FBXO41: variants seen among roughly 807,000 people sequenced by gnomAD.
The protein encoded by FBXO41 is F-box only protein 41.
FBXO41 carries 33 observed loss-of-function variants against 81.6 expected under a neutral mutation model. The ratio of observed to expected loss-of-function variants is 0.40; its 90% CI spans 0.31 to 0.54. The LOEUF (loss-of-function observed/expected upper bound fraction) is 0.54, where lower values mean the gene tolerates loss of function less well. Ranked by LOEUF, FBXO41 falls within the 20% of genes least tolerant of loss-of-function variation. FBXO41 has a pLI of 0.39. For synonymous variants in FBXO41, 576 were observed against 552.7 expected (o/e 1.04, Z -0.59); for missense variants, 1,107 against 1,236.0 (o/e 0.90, Z 1.56).
At position 73,256,378 on chromosome 2, in the gene FBXO41, G is replaced by A. The variant is rs1255545823; in HGVS notation, c.*2604C>T. The A allele has an allele frequency of 6.6e-6, 1 of 152,450 alleles. No individual in the cohort carries two copies. The highest frequency in any genetic ancestry group is 1.5e-5 in the Non-Finnish European group (1 of 68,226). 9.4% of individuals were successfully genotyped at this position (152,450 alleles called of 1,614,324 possible). On this transcript the variant is annotated 3_prime_UTR_variant, in exon 13 of 13. Coordinates refer to ENST00000520530, the MANE Select transcript of FBXO41 (RefSeq NM_001371389.2). Reference sequence around the variant, plus strand: ...CAAAAGCTCCCTACTCAGCAGCAGAGCTCATCCCCGAGGAGAGAACAAAAG... The same window carrying A: ...CAAAAGCTCCCTACTCAGCAGCAGAACTCATCCCCGAGGAGAGAACAAAAG...
At chr2:73,262,238 A>T (rs965229260) in intron 9 of FBXO41, among the ~76,000 whole-genome samples, 2 of 152,164 alleles carry the variant, frequency 1.3e-5, no homozygotes, top group African/African-American at 2.4e-5. Context: ...CTAAATAAAA[A>T]AAAAAAAAGA....
intron 1 of FBXO41, among the ~76,000 whole-genome samples, chr2:73,274,892 T>C (rs1038564381): frequency 1.3e-5 from 2 of 151,898 alleles, no homozygotes; most frequent in African/African-American, 4.8e-5. Context: ...TTTTCTTTTT[T>C]TTTTTGGAAA....
chr2:73,281,228 C>G (rs1688838549), intron 1 of FBXO41, among the ~76,000 whole-genome samples: 1 of 152,236 alleles, frequency 6.6e-6, no homozygotes, highest in Non-Finnish European at 1.5e-5. Flanking sequence ...ACAATCAAAA[C>G]AGTGAATACT....
At position 73,266,787 on chromosome 2, in the gene FBXO41, C is replaced by A; in HGVS notation, c.906-105G>T. On this transcript the variant is annotated intron_variant, in intron 2 of 12. Coordinates refer to ENST00000520530, the MANE Select transcript of FBXO41 (RefSeq NM_001371389.2). This position sits in a 1 kb window ranked among gnomAD's most constrained non-coding sequence, Gnocchi z 5.3. ...GGGGAGACACTGGCACAGCTGCCTG[C>A]GGTGTCTGCTTATGGTCACATGGGT... 1 of 1,420,358 alleles carries A rather than the reference C, an allele frequency of 7.0e-7. No individual in the cohort carries two copies. Among genetic ancestry groups the A allele is most frequent in the South Asian group, 1.6e-5 (1 of 63,746 alleles). The allele number at this position is 1,420,358 out of a possible 1,614,324, so 88.0% of individuals were successfully genotyped here.
intron 1 of FBXO41, among the ~76,000 whole-genome samples, chr2:73,279,142 G>A (rs1688779351): frequency 6.6e-6 from 1 of 152,216 alleles, no homozygotes; most frequent in Non-Finnish European, 1.5e-5. Flanking sequence ...AGAAGGCCTG[G>A]TGACAGAATG....
In FBXO41 at chr2:73,256,080, G is replaced by A. The variant is rs1687801379; in HGVS notation, c.*2902C>T. 6.6e-6 allele frequency: 1 copy of A among 152,174 alleles called. No individual in the cohort carries two copies. The highest frequency in any genetic ancestry group is 1.5e-5 in the Non-Finnish European group (1 of 68,052). 9.4% of individuals were successfully genotyped at this position (152,174 alleles called of 1,614,324 possible). ...ACACCAACCTCCCAGGTAGGTACTG[G>A]GGCCAGACTGGATGGCAGGGGGTGG... On this transcript the variant is annotated 3_prime_UTR_variant, in exon 13 of 13. Transcript: ENST00000520530.
In FBXO41 at chr2:73,264,536, G is replaced by A; in HGVS notation, c.1565-17C>T. 1 of 1,612,548 alleles carries A rather than the reference G, an allele frequency of 6.2e-7. No homozygotes were observed. Among genetic ancestry groups the A allele is most frequent in the Non-Finnish European group, 8.5e-7 (1 of 1,179,634 alleles). On this transcript the variant is annotated splice_polypyrimidine_tract_variant and intron_variant, in intron 5 of 12. Coordinates refer to ENST00000520530, the MANE Select transcript of FBXO41 (RefSeq NM_001371389.2). ...CGGGGCGGGCTGCAGAATACCAGGGGTTCAAAAGTGAGCGTGGAGGGTCAA... is the reference window on the plus strand; with the variant it reads ...CGGGGCGGGCTGCAGAATACCAGGGATTCAAAAGTGAGCGTGGAGGGTCAA...
At position 73,265,321 on chromosome 2, in the gene FBXO41, G is replaced by A. The variant is rs750732664; in HGVS notation, c.1525C>T (p.Pro509Ser). 1.9e-6 allele frequency: 3 copies of A among 1,610,926 alleles called. No homozygotes were observed. The highest frequency in any genetic ancestry group is 2.5e-6 in the Non-Finnish European group (3 of 1,179,634). Reference sequence around the variant, plus strand: ...CTGCTCAATGGCCCAGCCATAGCAGGCCCGGGGCGGGGCGCATCCAACGGG... The same window carrying A: ...CTGCTCAATGGCCCAGCCATAGCAGACCCGGGGCGGGGCGCATCCAACGGG... ...EGPLDAPRPGPAMAGPLSSCR... is the reference protein window; with the variant it reads ...EGPLDAPRPGSAMAGPLSSCR... Residue 509 changes from proline (P) to serine (S), a missense_variant, in exon 5 of 13, where the codon CCT (proline) becomes TCT (serine). Transcript: ENST00000520530.
At position 73,268,938 on chromosome 2, in the gene FBXO41, C is replaced by G. The variant is rs1330794474; in HGVS notation, c.693G>C (p.Ala231=). The change falls in exon 2 of 13, where the codon GCG becomes GCC. Residue 231 remains alanine (A), a synonymous_variant. Transcript: ENST00000520530. ...CGGCCTGCAGCCGGCCCACCTGGCC[C>G]GCGATCTTCTGCTCCACCTCCTCGC... ...RLSEEVEQKI[A]GQVGRLQAEL... 6.5e-7 allele frequency: 1 copy of G among 1,540,018 alleles called. No individual in the cohort carries two copies. The highest frequency in any genetic ancestry group is 1.2e-5 in the South Asian group (1 of 83,988).
chr2:73,264,016 T>C lies in FBXO41; in HGVS notation c.1844A>G (p.His615Arg). ...CTTCAAGTTCTGCAGCGTCAGAGAG[T>C]GGGCCTGGGTGCACCACTGAGCCAG... ...AMLAQWCTQAHSLTLQNLKPR... is the reference protein window; with the variant it reads ...AMLAQWCTQARSLTLQNLKPR... The change falls in exon 7 of 13, where the codon CAC (histidine) becomes CGC (arginine). Residue 615 changes from histidine to arginine, a missense_variant. Coordinates refer to ENST00000520530, the MANE Select transcript of FBXO41 (RefSeq NM_001371389.2). 6.2e-7 allele frequency: 1 copy of C among 1,601,212 alleles called. No homozygotes were observed. The highest frequency in any genetic ancestry group is 8.5e-7 in the Non-Finnish European group (1 of 1,173,712).
chr2:73,258,769 C>A lies in FBXO41; in HGVS notation c.*213G>T, dbSNP rs1687905283. 3.9e-6 allele frequency: 2 copies of A among 511,926 alleles called. No homozygotes were observed. The highest frequency in any genetic ancestry group is 3.4e-6 in the Non-Finnish European group (1 of 298,208). The allele number at this position is 511,926 out of a possible 1,614,324, so 31.7% of individuals were successfully genotyped here. On this transcript the variant is annotated 3_prime_UTR_variant, in exon 13 of 13. Transcript: ENST00000520530. ...TAGGGTGGGGGTCGGAGGGCAGCTT[C>A]TGTCCAAGCCCCTGTACTGGGGAGG...
intron 1 of FBXO41, among the ~76,000 whole-genome samples, chr2:73,276,586 GA>G (rs1379908584): frequency 7.7e-6 from 1 of 129,436 alleles, no homozygotes; most frequent in East Asian, 2.9e-4. Context: ...GAGAGAGAGA[GA>G]GAGAGAGAGA....
At chr2:73,264,114 G>A in intron 6 of FBXO41, 61 bp from the exon 7 acceptor site, 6 of 1,551,794 alleles carry the variant, frequency 3.9e-6, no homozygotes, top group East Asian at 2.4e-5. Flanking sequence ...GGCTGGAGGT[G>A]GGCCAGCCCC....
chr2:73,280,132 C>T (rs1688807510), intron 1 of FBXO41, among the ~76,000 whole-genome samples: 1 of 133,174 alleles, frequency 7.5e-6, no homozygotes, highest in East Asian at 2.6e-4. Flanking sequence ...CGCCCCTCAA[C>T]CCCAAAACGC....
chr2:73,275,963 T>A (rs1247330773), intron 1 of FBXO41, among the ~76,000 whole-genome samples: 3 of 150,752 alleles, frequency 2.0e-5, no homozygotes, highest in Admixed American at 2.0e-4. Flanking sequence ...ATTTTTGTAT[T>A]TTTAGTAGAG....
chr2:73,280,849 A>G (rs1444759836), intron 1 of FBXO41, among the ~76,000 whole-genome samples: 1 of 152,246 alleles, frequency 6.6e-6, no homozygotes, highest in Non-Finnish European at 1.5e-5. Flanking sequence ...CCTAACACAC[A>G]GTAGATATCA....
intron 1 of FBXO41, chr2:73,273,107 T>G (rs1688589813): frequency 6.6e-6 from 1 of 152,188 alleles, no homozygotes; most frequent in Non-Finnish European, 1.5e-5. Context: ...TATACAGTTT[T>G]CTCTCCATCA....
At chr2:73,273,901 C>T (rs1688612367) in intron 1 of FBXO41, among the ~76,000 whole-genome samples, 1 of 152,212 alleles carries the variant, frequency 6.6e-6, no homozygotes, top group South Asian at 2.1e-4. Flanking sequence ...ACCCCTGTTT[C>T]CTTTGGTGTT....
intron 1 of FBXO41, among the ~76,000 whole-genome samples, chr2:73,277,835 A>G (rs753247000): frequency 6.6e-6 from 1 of 152,210 alleles, no homozygotes; most frequent in Non-Finnish European, 1.5e-5. Context: ...TAGTCCCTGC[A>G]GTGGGCATTA....
Sources: gnomAD v4.1 joint callset for allele counts (sites outside exome capture counted in the v4.1 genomes callset) on GRCh38, gnomAD v4.1.1 for gene constraint, Gnocchi (gnomAD v3.1) non-coding constraint, MANE v1.5 for transcripts, NCBI Gene and HGNC (gene_info 2026-07-23, HGNC 2026-07-21) for gene names.